Variants in CORO7 observed in about 807,000 individuals in gnomAD.
CORO7 encodes the protein coronin 7.
Under a neutral mutation model 126.6 loss-of-function variants are expected in CORO7, and 107 were observed. That is an observed-to-expected ratio of 0.85 (90% confidence interval 0.72 to 0.99). The LOEUF is 0.99. Among genes scored for constraint, CORO7 ranks in the 50% least tolerant of loss-of-function variants. The probability of loss-of-function intolerance (pLI) is 0.00; values close to 1 mark genes in which losing one functional copy is unlikely to be tolerated. For missense variants in CORO7, 1,314 were observed against 1,255.8 expected, an observed-to-expected ratio of 1.05 and a Z score of -0.70; for synonymous variants, 603 against 536.8, an observed-to-expected ratio of 1.12 and a Z score of -1.70.
At position 4,381,879 on chromosome 16, in the gene CORO7, C is replaced by T. The variant is rs13333950; in HGVS notation, c.785+6107G>A. 10,558 of 1,604,650 alleles carry T rather than the reference C, an allele frequency of 6.6e-3. 619 individuals are homozygous for T. The African/African-American group carries it at 0.12, about 19-fold the overall frequency. Reference sequence around the variant, plus strand: ...CGCGCTGCCACTTCCCGCCCAAGAACGCTGGCCGGCTGCTCCTGGAGCTTG... The same window carrying T: ...CGCGCTGCCACTTCCCGCCCAAGAATGCTGGCCGGCTGCTCCTGGAGCTTG... On this transcript the variant is annotated intron_variant, in intron 9 of 27. Transcript: ENST00000251166.
chr16:4,355,060 G>A lies in CORO7; in HGVS notation c.*98C>T, dbSNP rs1440366789. ...AGGCAGGAGTGCAGGGGTGACATGTGCCGGGGCCAGAGAGGTATCTTCCAG... is the reference window on the plus strand; with the variant it reads ...AGGCAGGAGTGCAGGGGTGACATGTACCGGGGCCAGAGAGGTATCTTCCAG... On this transcript the variant is annotated 3_prime_UTR_variant, in exon 28 of 28. Coordinates refer to ENST00000251166, the MANE Select transcript of CORO7 (RefSeq NM_024535.5). 1.4e-5 allele frequency: 19 copies of A among 1,347,618 alleles called. No individual in the cohort carries two copies. Among genetic ancestry groups the A allele is most frequent in the African/African-American group, 3.0e-5 (2 of 67,790 alleles). The allele number at this position is 1,347,618 out of a possible 1,614,324, so 83.5% of individuals were successfully genotyped here. A position where few individuals can be genotyped will look rare whatever the true frequency, so the allele number is the denominator to read the frequency against.
chr16:4,366,517 T>C (rs2054353413), intron 9 of CORO7, among the ~76,000 whole-genome samples: 1 of 151,472 alleles, frequency 6.6e-6, no homozygotes, highest in South Asian at 2.1e-4. Flanking sequence ...TTCCTGTGTT[T>C]CTTGCTCCTG....
At chr16:4,415,325 A>G (rs926776158) in intron 1 of CORO7, among the ~76,000 whole-genome samples, 1 of 151,824 alleles carries the variant, frequency 6.6e-6, no homozygotes, top group Non-Finnish European at 1.5e-5. Context: ...GCTCTTTCTC[A>G]ATTCTCACCC....
At chr16:4,398,695 C>T (rs1344300112) in intron 6 of CORO7, among the ~76,000 whole-genome samples, 5 of 150,042 alleles carry the variant, frequency 3.3e-5, no homozygotes, top group Non-Finnish European at 5.9e-5. Context: ...CAAGGCTGGG[C>T]GTGGTGGCTC....
Position 4,359,485 on chromosome 16 carries a change from C to T in CORO7, c.2245G>A (p.Gly749Ser), listed in dbSNP as rs746919528. 2.4e-5 allele frequency: 38 copies of T among 1,613,410 alleles called. No homozygotes were observed. Among genetic ancestry groups the T allele is most frequent in the East Asian group, 4.5e-5 (2 of 44,894 alleles). The change falls in exon 22 of 28, where the codon GGC (glycine) becomes AGC (serine). Residue 749 changes from glycine (G) to serine (S), a missense_variant. Coordinates refer to ENST00000251166, the MANE Select transcript of CORO7 (RefSeq NM_024535.5). ...CGCCCTCCAGCCCAGCCCACCTTGC[C>T]GGTCAGGAGCACCAGGCCAGTGTCT... is the stretch of plus-strand genomic sequence containing the variant. ...DPDTGLVLLTGKGDTRVFLYE... is the reference protein window; with the variant it reads ...DPDTGLVLLTSKGDTRVFLYE...
At chr16:4,397,197 A>G (rs777927756) in intron 6 of CORO7, 2 of 152,016 alleles carry the variant, frequency 1.3e-5, no homozygotes, top group African/African-American at 4.8e-5. Context: ...TAATCCCAGC[A>G]CTCAGGGAGG....
intron 4 of CORO7, 113 bp downstream of exon 4, chr16:4,408,068 G>T: frequency 6.8e-7 from 1 of 1,478,950 alleles, no homozygotes; most frequent in East Asian, 2.3e-5. Context: ...CTGGGGAGTG[G>T]GGTGGGGCTG....
chr16:4,416,413 G>C lies in CORO7; in HGVS notation c.60+46C>G, dbSNP rs763805162. 9.2e-6 allele frequency: 14 copies of C among 1,518,154 alleles called. No individual in the cohort carries two copies. The East Asian group carries it at 2.7e-4, about 29-fold the overall frequency. The allele number at this position is 1,518,154 out of a possible 1,614,324, so 94.0% of individuals were successfully genotyped here. A position where few individuals can be genotyped will look rare whatever the true frequency, so the allele number is the denominator to read the frequency against. On this transcript the variant is annotated intron_variant, in intron 1 of 27. Transcript: ENST00000251166. ...GGTCCGGGCAGGGGGAGGGGCAGCC[G>C]GACGGGGCCCGAGGCGACAGCGCCC...
At chr16:4,410,407 A>G (rs1444049498) in intron 3 of CORO7, among the ~76,000 whole-genome samples, 2 of 152,194 alleles carry the variant, frequency 1.3e-5, no homozygotes, top group Non-Finnish European at 2.9e-5. Flanking sequence ...CCTGGATGAC[A>G]GAGACAGAGA....
Position 4,360,258 on chromosome 16 carries a change from G to A in CORO7, c.2108+20C>T. 1 of 1,613,262 alleles carries A rather than the reference G, an allele frequency of 6.2e-7. No individual in the cohort carries two copies. The highest frequency in any genetic ancestry group is 8.5e-7 in the Non-Finnish European group (1 of 1,179,910). ...CAGGTGGCTTCTGAAGCCTGGGGAT[G>A]GGGATGCCTGAGTCCTCACCTGTCA... On this transcript the variant is annotated intron_variant, in intron 21 of 27. Transcript: ENST00000251166.
chr16:4,363,914 G>A (rs1217630589), intron 14 of CORO7, among the ~76,000 whole-genome samples: 1 of 152,144 alleles, frequency 6.6e-6, no homozygotes, highest in Admixed American at 6.6e-5. Flanking sequence ...ACCTACTCGG[G>A]AGGCTGAGGC....
chr16:4,400,224 T>C (rs755761428), intron 6 of CORO7, among the ~76,000 whole-genome samples: 4 of 152,084 alleles, frequency 2.6e-5, no homozygotes, highest in Non-Finnish European at 4.4e-5. Context: ...TCAGGCTGGG[T>C]ATGGTGGCTC....
intron 6 of CORO7, among the ~76,000 whole-genome samples, chr16:4,399,800 A>T (rs949801943): frequency 1.3e-5 from 2 of 152,064 alleles, no homozygotes; most frequent in African/African-American, 2.4e-5. Flanking sequence ...CTGAGGTGGG[A>T]GGACTGCTTG....
intron 25 of CORO7, chr16:4,357,609 G>A: frequency 2.9e-6 from 1 of 342,756 alleles, no homozygotes; most frequent in Admixed American, 4.6e-5. Flanking sequence ...ACTCGCCTCA[G>A]CCTCCTAAAG....
intron 3 of CORO7, 111 bp downstream of exon 3, chr16:4,412,245 G>C: frequency 8.4e-7 from 1 of 1,184,982 alleles, no homozygotes. Flanking sequence ...CAGGGCGACA[G>C]GAGGGACCTG....
chr16:4,382,399 C>G (rs750273688), intron 9 of CORO7: 11 of 1,611,998 alleles, frequency 6.8e-6, no homozygotes, highest in Admixed American at 1.7e-5. Context: ...TGATAAGCGG[C>G]TGGTGACGCT....
chr16:4,379,879 C>CT (rs2054886816), intron 9 of CORO7, among the ~76,000 whole-genome samples: 1 of 66,734 alleles, frequency 1.5e-5, no homozygotes, highest in Non-Finnish European at 3.8e-5. Flanking sequence ...CCTGTCTCTA[C>CT]TAAAAAAAAA....
At chr16:4,380,026 C>A (rs185143000) in intron 9 of CORO7, among the ~76,000 whole-genome samples, 1 of 151,420 alleles carries the variant, frequency 6.6e-6, no homozygotes, top group African/African-American at 2.4e-5. Flanking sequence ...CCACTGCACT[C>A]CAGCTTGGGT....
At position 4,362,932 on chromosome 16, in the gene CORO7, C is replaced by T. The variant is rs932448663; in HGVS notation, c.1276-194G>A. On this transcript the variant is annotated intron_variant, in intron 14 of 27. Coordinates refer to ENST00000251166, the MANE Select transcript of CORO7 (RefSeq NM_024535.5). This position sits in a 1 kb window ranked among gnomAD's most constrained non-coding sequence, Gnocchi z 5.3. Reference sequence around the variant, plus strand: ...ACAGGGAAGCAGCCGAGCTTCAGACCGCGGGGACAGCAAGTGGCAGCTGCT... The same window carrying T: ...ACAGGGAAGCAGCCGAGCTTCAGACTGCGGGGACAGCAAGTGGCAGCTGCT... 1.0e-5 allele frequency: 6 copies of T among 577,640 alleles called. No homozygotes were observed. The highest frequency in any genetic ancestry group is 8.7e-5 in the Admixed American group (2 of 22,928). The allele number at this position is 577,640 out of a possible 1,614,324, so 35.8% of individuals were successfully genotyped here. A position where few individuals can be genotyped will look rare whatever the true frequency, so the allele number is the denominator to read the frequency against.
Sources: allele counts gnomAD v4.1 joint callset (sites outside exome capture counted in the v4.1 genomes callset), GRCh38; gene constraint gnomAD v4.1.1; non-coding constraint Gnocchi (gnomAD v3.1); transcripts MANE v1.5; gene names NCBI Gene and HGNC (gene_info 2026-07-23, HGNC 2026-07-21).